TCF12: variants seen among roughly 807,000 people sequenced by gnomAD.
The protein encoded by TCF12 is transcription factor 12.
Under a neutral mutation model 86.0 loss-of-function variants are expected in TCF12, and 45 were observed. The observed-to-expected ratio is 0.52, with a 90% CI of 0.41 to 0.67. TCF12 has a LOEUF of 0.67. Among genes scored for constraint, TCF12 ranks in the 30% least tolerant of loss-of-function variants. The probability of loss-of-function intolerance (pLI) is 0.00; values close to 1 mark genes in which losing one functional copy is unlikely to be tolerated. For synonymous variants in TCF12, 330 were observed against 299.6 expected (o/e 1.10, Z -1.05); for missense variants, 881 against 859.9 (o/e 1.02, Z -0.31).
chr15:57,182,430 G>A (rs2056411401), intron 6 of TCF12, among the ~76,000 whole-genome samples: 2 of 151,894 alleles, frequency 1.3e-5, no homozygotes, highest in Admixed American at 1.3e-4. Context: ...TCAAGTCCTT[G>A]TGGACAAAAT....
chr15:57,033,365 G>C (rs2066318661), intron 3 of TCF12, among the ~76,000 whole-genome samples: 1 of 152,170 alleles, frequency 6.6e-6, no homozygotes, highest in Non-Finnish European at 1.5e-5. Flanking sequence ...TAATTTTAAA[G>C]AGGAGCTGCT....
intron 3 of TCF12, among the ~76,000 whole-genome samples, chr15:57,022,791 T>C (rs1362310756): frequency 3.9e-5 from 6 of 152,188 alleles, no homozygotes; most frequent in African/African-American, 1.4e-4. Flanking sequence ...CTCATTGTGG[T>C]TTTGATTTTC....
intron 3 of TCF12, among the ~76,000 whole-genome samples, chr15:56,975,075 A>G (rs561319500): frequency 6.6e-6 from 1 of 152,300 alleles, no homozygotes; most frequent in Non-Finnish European, 1.5e-5. Flanking sequence ...AAACATTTGC[A>G]ATATTCATAA....
chr15:57,017,588 AAAAGTAGGTATAC>A (rs1184735838), intron 3 of TCF12, among the ~76,000 whole-genome samples: 8 of 152,242 alleles, frequency 5.3e-5, no homozygotes, highest in Non-Finnish European at 8.8e-5. Flanking sequence ...ATATATGTGC[AAAAGTAGGTATAC>A]AAAGTAGGTA....
At chr15:57,201,347 A>T (rs2057533037) in intron 8 of TCF12, among the ~76,000 whole-genome samples, 2 of 152,174 alleles carry the variant, frequency 1.3e-5, no homozygotes, top group Admixed American at 1.3e-4. Flanking sequence ...GGTAGAACTA[A>T]CCCTACTATA....
chr15:56,931,064 C>T (rs963413100), intron 3 of TCF12, among the ~76,000 whole-genome samples: 2 of 152,072 alleles, frequency 1.3e-5, no homozygotes, highest in African/African-American at 4.8e-5. Context: ...CTCCTCCTCT[C>T]CCTCGTTCCT....
chr15:57,090,577 T>A (rs141235584), intron 4 of TCF12, among the ~76,000 whole-genome samples: 1 of 152,216 alleles, frequency 6.6e-6, no homozygotes, highest in Non-Finnish European at 1.5e-5. Flanking sequence ...TCCTAGCCCT[T>A]TCATTGAACT....
At chr15:57,044,939 A>G (rs2067132490) in intron 3 of TCF12, among the ~76,000 whole-genome samples, 1 of 152,208 alleles carries the variant, frequency 6.6e-6, no homozygotes, top group South Asian at 2.1e-4. Context: ...CAGTGAAGAT[A>G]AACTTGGGGG....
At chr15:56,920,754 C>A (rs946651255) in intron 2 of TCF12, among the ~76,000 whole-genome samples, 1 of 152,090 alleles carries the variant, frequency 6.6e-6, no homozygotes, top group Non-Finnish European at 1.5e-5. Flanking sequence ...CAGTAAAGAT[C>A]ATGTGTAATA....
At chr15:56,998,695 T>C (rs2063849009) in intron 3 of TCF12, among the ~76,000 whole-genome samples, 2 of 152,146 alleles carry the variant, frequency 1.3e-5, no homozygotes, top group African/African-American at 4.8e-5. Flanking sequence ...ATAGATCTAA[T>C]TGACCTTTAT....
chr15:56,919,745 C>T (rs572900763), intron 1 of TCF12, 147 bp from the exon 2 acceptor site: 2 of 633,206 alleles, frequency 3.2e-6, no homozygotes, highest in Non-Finnish European at 5.2e-6. Flanking sequence ...GCCCCTTGCT[C>T]GCGCCGCGGT....
rs142903330 is a variant in TCF12 at position 57,192,288 on chromosome 15, C to T, written c.521C>T (p.Ala174Val). The T allele has an allele frequency of 2.4e-4, 382 of 1,613,886 alleles. 3 individuals are homozygous for T. In the African/African-American group the frequency reaches 3.7e-3, roughly 16 times the overall value. Residue 174 changes from alanine to valine, a missense_variant, in exon 7 of 21, where the codon GCG becomes GTG. Ala to Val is a moderately conservative substitution (Grantham distance 64). Coordinates refer to ENST00000333725, the MANE Select transcript of TCF12 (RefSeq NM_207037.2). ...SRRRPLHDSA[A>V]LDPLQAKKVR... Reference sequence around the variant, plus strand: ...AGGAGACCACTCCATGACTCTGCAGCGCTTGGTGAGTGTATCACACAACAA... The same window carrying T: ...AGGAGACCACTCCATGACTCTGCAGTGCTTGGTGAGTGTATCACACAACAA...
intron 13 of TCF12, chr15:57,247,981 C>G (rs1941162379): frequency 1.4e-6 from 1 of 726,254 alleles, no homozygotes; most frequent in African/African-American, 1.7e-5. Flanking sequence ...GCCCTTCTCC[C>G]CCACCACCCC....
Position 57,273,377 on chromosome 15 carries a change from C to T in TCF12, c.1978+115C>T, listed in dbSNP as rs1367112168. 4.7e-6 allele frequency: 5 copies of T among 1,058,748 alleles called. No homozygotes were observed. In the African/African-American group the frequency reaches 6.4e-5, roughly 13 times the overall value. 65.6% of individuals were successfully genotyped at this position (1,058,748 alleles called of 1,614,324 possible). The stretch of plus-strand genomic sequence containing the variant: ...TTTGTTATTTCTCCCAGTACTTCTT[C>T]TACTGTATCATCAGGGTCGTTTTTC... On this transcript the variant is annotated intron_variant, in intron 19 of 20. Transcript: ENST00000333725.
At chr15:57,038,458 A>C in intron 3 of TCF12, among the ~76,000 whole-genome samples, 1 of 138,726 alleles carries the variant, frequency 7.2e-6, no homozygotes, top group South Asian at 2.7e-4. Context: ...GGAGAGAAGG[A>C]AGAGAGGGAG....
intron 8 of TCF12, chr15:57,219,710 T>TC: frequency 1.2e-6 from 1 of 820,702 alleles, no homozygotes; most frequent in South Asian, 2.4e-5. Flanking sequence ...ATGTATTAGA[T>TC]TGTAGATTTC....
intron 5 of TCF12, among the ~76,000 whole-genome samples, chr15:57,130,614 T>A (rs1391758496): frequency 6.6e-6 from 1 of 152,238 alleles, no homozygotes; most frequent in African/African-American, 2.4e-5. Context: ...TGTGAAGTGC[T>A]GTTATTTTAA....
intron 6 of TCF12, among the ~76,000 whole-genome samples, chr15:57,187,815 A>G (rs2056761878): frequency 6.6e-6 from 1 of 152,110 alleles, no homozygotes; most frequent in African/African-American, 2.4e-5. Flanking sequence ...CTTTAATCCC[A>G]GGTACTCAGG....
In TCF12 at chr15:57,119,507, A is replaced by G. The variant is rs145973060; in HGVS notation, c.325+27616A>G. ...CATACTAGATACGATACTGTATGCT[A>G]TTTTTGAGACTCCGTAGTCAAGTAT... On this transcript the variant is annotated intron_variant, in intron 5 of 20. Transcript: ENST00000333725. 1.6e-3 allele frequency among the ~76,000 whole-genome samples: 237 copies of G among 144,482 alleles called. 1 individual carries two copies. The highest frequency in any genetic ancestry group is 5.7e-3 in the African/African-American group (221 of 38,594). The allele number at this position is 144,482 out of a possible 152,430, so 94.8% of individuals were successfully genotyped here. A position where few individuals can be genotyped will look rare whatever the true frequency, so the allele number is the denominator to read the frequency against.
Sources: allele counts gnomAD v4.1 joint callset (sites outside exome capture counted in the v4.1 genomes callset), GRCh38; gene constraint gnomAD v4.1.1; transcripts MANE v1.5; gene names NCBI Gene and HGNC (gene_info 2026-07-23, HGNC 2026-07-21).